CADM2: variants seen among roughly 807,000 people sequenced by gnomAD.
The protein encoded by CADM2 is immunoglobulin superfamily member 4D.
CADM2 carries 12 observed loss-of-function variants against 49.8 expected under a neutral mutation model. The observed-to-expected ratio is 0.24, with a 90% CI of 0.15 to 0.39. CADM2 has a LOEUF of 0.39. Ranked by LOEUF, CADM2 falls within the 10% of genes least tolerant of loss-of-function variation. CADM2 has a pLI of 1.00. For synonymous variants in CADM2, 214 were observed against 175.4 expected, an observed-to-expected ratio of 1.22 and a Z score of -1.74; for missense variants, 378 against 492.3, an observed-to-expected ratio of 0.77 and a Z score of 2.20.
At chr3:85,377,751 G>A (rs572743467) in intron 1 of CADM2, among the ~76,000 whole-genome samples, 2 of 152,128 alleles carry the variant, frequency 1.3e-5, no homozygotes, top group South Asian at 4.2e-4. Flanking sequence ...AATAGCTACA[G>A]GAGTTTTGAA....
intron 1 of CADM2, among the ~76,000 whole-genome samples, chr3:85,511,628 A>G (rs891156558): frequency 2.6e-5 from 4 of 152,068 alleles, no homozygotes; most frequent in Admixed American, 2.0e-4. Flanking sequence ...AACTCAATAA[A>G]AACGTATTTG....
chr3:85,414,063 C>A (rs942374362), intron 1 of CADM2, among the ~76,000 whole-genome samples: 1 of 152,070 alleles, frequency 6.6e-6, no homozygotes, highest in Admixed American at 6.5e-5. Context: ...CAAGGTTTCA[C>A]CATGTTGGTC....
chr3:84,994,217 G>A (rs1397062147), intron 1 of CADM2, among the ~76,000 whole-genome samples: 7 of 152,152 alleles, frequency 4.6e-5, no homozygotes, highest in African/African-American at 1.7e-4. Flanking sequence ...GACTCTCTAA[G>A]TTTGAAGAGT....
intron 1 of CADM2, among the ~76,000 whole-genome samples, chr3:84,984,552 C>T (rs1175395981): frequency 6.6e-6 from 1 of 151,318 alleles, no homozygotes; most frequent in Non-Finnish European, 1.5e-5. Context: ...ACAGCTAGTC[C>T]CCACTGCCTC....
chr3:85,944,599 G>T (rs985101906), intron 7 of CADM2, among the ~76,000 whole-genome samples: 9 of 152,100 alleles, frequency 5.9e-5, no homozygotes, highest in African/African-American at 2.2e-4. Context: ...AGTCAAACTA[G>T]AACTCAGGAT....
At chr3:86,017,931 G>C (rs993889140) in intron 8 of CADM2, among the ~76,000 whole-genome samples, 1 of 142,852 alleles carries the variant, frequency 7.0e-6, no homozygotes, top group Non-Finnish European at 1.5e-5. Context: ...CATTGTGCAG[G>C]TTAGTTACAT....
chr3:85,924,607 A>ATAAATAAATAAG (rs1719589355), intron 6 of CADM2, among the ~76,000 whole-genome samples: 1 of 151,358 alleles, frequency 6.6e-6, no homozygotes, highest in Non-Finnish European at 1.5e-5. Flanking sequence ...AAATAAATAA[A>ATAAATAAATAAG]TAAATAAATA....
intron 1 of CADM2, among the ~76,000 whole-genome samples, chr3:85,618,822 T>C (rs2063879021): frequency 6.6e-6 from 1 of 151,054 alleles, no homozygotes; most frequent in South Asian, 2.1e-4. Flanking sequence ...CATATATGAC[T>C]GAATTGGTGC....
intron 2 of CADM2, among the ~76,000 whole-genome samples, chr3:85,795,341 T>C (rs1243569806): frequency 1.3e-5 from 2 of 152,190 alleles, no homozygotes; most frequent in East Asian, 3.8e-4. Context: ...TTTGAGACTT[T>C]TGACTATCTA....
intron 1 of CADM2, among the ~76,000 whole-genome samples, chr3:85,010,043 T>C (rs548781116): frequency 6.6e-6 from 1 of 152,078 alleles, no homozygotes; most frequent in South Asian, 2.1e-4. Flanking sequence ...AGTTACTTTT[T>C]TTTGCAAAAT....
intron 1 of CADM2, among the ~76,000 whole-genome samples, chr3:85,067,084 ACT>A (rs1306544270): frequency 6.6e-6 from 1 of 151,912 alleles, no homozygotes; most frequent in East Asian, 1.9e-4. Context: ...TGTTAAAAAC[ACT>A]CTATTTTTAA....
At chr3:85,268,551 G>A (rs114659766) in intron 1 of CADM2, among the ~76,000 whole-genome samples, 14 of 151,124 alleles carry the variant, frequency 9.3e-5, no homozygotes, top group Non-Finnish European at 1.9e-4. Flanking sequence ...ATAAATTTGT[G>A]TGCATATTAT....
At chr3:85,255,342 C>T (rs185089761) in intron 1 of CADM2, among the ~76,000 whole-genome samples, 5 of 151,910 alleles carry the variant, frequency 3.3e-5, no homozygotes, top group African/African-American at 1.2e-4. Flanking sequence ...AAAGAAGAGG[C>T]TTCATTTGTT....
In CADM2 at chr3:85,668,146, G is replaced by A. The variant is rs186104343; in HGVS notation, c.62-58376G>A. ...AGAAAATTACCACTTATGTAATGGT[G>A]GTGGGCAATGGTGGAGATGGCCCTT... On this transcript the variant is annotated intron_variant, in intron 1 of 9. Transcript: ENST00000383699. Among the ~76,000 whole-genome samples the A allele has an allele frequency of 5.7e-3, 866 of 151,678 alleles. 7 individuals are homozygous for A. Among genetic ancestry groups the A allele is most frequent in the Middle Eastern group, 0.024 (7 of 294 alleles).
chr3:85,093,613 T>C (rs541901545), intron 1 of CADM2, among the ~76,000 whole-genome samples: 7 of 152,276 alleles, frequency 4.6e-5, no homozygotes, highest in African/African-American at 1.7e-4. Flanking sequence ...AATCAAATAA[T>C]CAAATTTAGA....
intron 1 of CADM2, among the ~76,000 whole-genome samples, chr3:85,271,069 T>C (rs533300938): frequency 3.3e-5 from 5 of 151,436 alleles, no homozygotes; most frequent in Non-Finnish European, 7.4e-5. Context: ...TGAAACACCA[T>C]ATGAAGTTTT....
chr3:86,050,766 G>C (rs1737237586), intron 8 of CADM2, among the ~76,000 whole-genome samples: 1 of 152,166 alleles, frequency 6.6e-6, no homozygotes, highest in African/African-American at 2.4e-5. Flanking sequence ...CACAATTAGA[G>C]GTGGAGTGGC....
intron 2 of CADM2, among the ~76,000 whole-genome samples, chr3:85,751,054 GA>G (rs1488037150): frequency 3.9e-5 from 6 of 152,152 alleles, no homozygotes; most frequent in African/African-American, 1.4e-4. Context: ...CAGAAATCTT[GA>G]AACTGGAAAA....
rs567726267 is a variant in CADM2 at position 85,924,341 on chromosome 3, G to A, written c.701-11426G>A. Among the ~76,000 whole-genome samples, 29 of 152,166 alleles carry A rather than the reference G, an allele frequency of 1.9e-4. No homozygotes were observed. The South Asian group carries it at 5.6e-3, about 29-fold the overall frequency. On this transcript the variant is annotated intron_variant, in intron 6 of 9. Transcript: ENST00000383699. Reference sequence around the variant, plus strand: ...ACAGTGGTTCACGCTTGTAATCATAGCACTTTGGGAGGCCAAGGCAGATGG... The same window carrying A: ...ACAGTGGTTCACGCTTGTAATCATAACACTTTGGGAGGCCAAGGCAGATGG...
Sources: gnomAD v4.1 joint callset for allele counts (sites outside exome capture counted in the v4.1 genomes callset) on GRCh38, gnomAD v4.1.1 for gene constraint, MANE v1.5 for transcripts, NCBI Gene and HGNC (gene_info 2026-07-23, HGNC 2026-07-21) for gene names.